DNAH12: variants seen among roughly 807,000 people sequenced by gnomAD.
DNAH12 encodes the protein axonemal beta dynein heavy chain 12.
Under a neutral mutation model 371.5 loss-of-function variants are expected in DNAH12, and 285 were observed. That is an observed-to-expected ratio of 0.77 (90% CI 0.70 to 0.85). The LOEUF (loss-of-function observed/expected upper bound fraction) is 0.85. Among genes scored for constraint, DNAH12 ranks in the 40% least tolerant of loss-of-function variants. The pLI is 0.00. For missense variants in DNAH12, 3,611 were observed against 3,689.4 expected (o/e 0.98, Z 0.55); for synonymous variants, 1,200 against 1,213.0 (o/e 0.99, Z 0.22).
intron 60 of DNAH12, among the ~76,000 whole-genome samples, chr3:57,351,317 G>T (rs2062669758): frequency 6.6e-6 from 1 of 152,078 alleles, no homozygotes; most frequent in Admixed American, 6.6e-5. Flanking sequence ...ATAAAACGTT[G>T]GTGGGGATCT....
chr3:57,524,583 C>A (rs1297576950), intron 2 of DNAH12, among the ~76,000 whole-genome samples: 2 of 151,666 alleles, frequency 1.3e-5, no homozygotes, highest in African/African-American at 4.8e-5. Context: ...GACTGATGAA[C>A]TGTTTAAGTG....
In DNAH12 at chr3:57,476,125, A is replaced by G. The variant is rs532702478; in HGVS notation, c.1651-3454T>C. ...AAAGTTTAGGAACAATGACATTACT[A>G]ACATAACATTGATGAGAGGCAAAAG... On this transcript the variant is annotated intron_variant, in intron 13 of 73. Coordinates refer to ENST00000495027, the MANE Select transcript of DNAH12 (RefSeq NM_001366028.2). Among the ~76,000 whole-genome samples the G allele has an allele frequency of 1.9e-4, 29 of 152,362 alleles. No individual in the cohort carries two copies. In the East Asian group the frequency reaches 5.0e-3, roughly 26 times the overall value.
chr3:57,440,805 T>C (rs1335429551), intron 29 of DNAH12, among the ~76,000 whole-genome samples: 1 of 152,068 alleles, frequency 6.6e-6, no homozygotes, highest in Non-Finnish European at 1.5e-5. Context: ...CTGAGCAACA[T>C]AACAAGACCT....
rs1553679837 is a variant in DNAH12 at position 57,403,485 on chromosome 3, A to T, written c.6772T>A (p.Leu2258Ile). The change falls in exon 43 of 74, where the codon TTA (leucine) becomes ATA (isoleucine). Residue 2258 changes from leucine to isoleucine, a missense_variant. Transcript: ENST00000495027. Reference protein sequence around the residue: ...LVIFRYVLEHLSRICRVLKQS... With the variant: ...LVIFRYVLEHISRICRVLKQS... The stretch of plus-strand genomic sequence containing the variant: ...TTTAGAACTCGACATATTCTTGATA[A>T]ATGTTCCAAAACATACCTACCACAA... 6.5e-7 allele frequency: 1 copy of T among 1,548,398 alleles called. No homozygotes were observed. Among genetic ancestry groups the T allele is most frequent in the Non-Finnish European group, 8.7e-7 (1 of 1,145,968 alleles).
intron 60 of DNAH12, among the ~76,000 whole-genome samples, chr3:57,342,051 T>C (rs144332484): frequency 5.9e-5 from 9 of 152,108 alleles, no homozygotes; most frequent in African/African-American, 1.7e-4. Context: ...CTGGGGAAAA[T>C]TGGATATCCA....
chr3:57,430,373 C>T (rs538668153), intron 32 of DNAH12, among the ~76,000 whole-genome samples: 2 of 151,992 alleles, frequency 1.3e-5, no homozygotes, highest in Non-Finnish European at 2.9e-5. Flanking sequence ...ATGAATAATT[C>T]TTTATTATCA....
intron 49 of DNAH12, among the ~76,000 whole-genome samples, chr3:57,384,243 A>G (rs959270566): frequency 1.3e-5 from 2 of 152,152 alleles, no homozygotes; most frequent in Admixed American, 6.6e-5. Context: ...TACTTAACAT[A>G]TGCCTGCTGG....
chr3:57,393,563 T>C (rs1575538733), intron 44 of DNAH12, among the ~76,000 whole-genome samples: 2 of 136,814 alleles, frequency 1.5e-5, no homozygotes, highest in Non-Finnish European at 1.5e-5. Context: ...GAGGCGGAGG[T>C]TGCAGTGAGG....
chr3:57,508,250 G>T, intron 7 of DNAH12, 132 bp downstream of exon 7: 5 of 809,870 alleles, frequency 6.2e-6, no homozygotes, highest in Non-Finnish European at 5.1e-6. Flanking sequence ...AAACAAACAA[G>T]ATACATTTTT....
chr3:57,335,689 C>T (rs143971133), intron 60 of DNAH12, among the ~76,000 whole-genome samples: 2 of 152,108 alleles, frequency 1.3e-5, no homozygotes, highest in Non-Finnish European at 1.5e-5. Context: ...CTTATGGCAC[C>T]GCTGTTGCAT....
intron 4 of DNAH12, among the ~76,000 whole-genome samples, chr3:57,521,488 C>A (rs374459515): frequency 1.3e-5 from 2 of 151,932 alleles, no homozygotes; most frequent in African/African-American, 4.8e-5. Context: ...CAAAGAGAGA[C>A]CCCTGTCTCT....
chr3:57,553,153 G>C, the DNAH12 span, among the ~76,000 whole-genome samples: 2 of 152,158 alleles, frequency 1.3e-5, no homozygotes. Context: ...CTCCAGCCTG[G>C]GCAAAAGGAG....
intron 59 of DNAH12, among the ~76,000 whole-genome samples, chr3:57,353,449 TGCCC>T (rs2062729671): frequency 1.3e-5 from 2 of 152,180 alleles, no homozygotes. Context: ...CATGGCACCA[TGCCC>T]AGCTAGTTTT....
chr3:57,355,586 G>C (rs909007145), intron 59 of DNAH12, among the ~76,000 whole-genome samples: 3 of 151,946 alleles, frequency 2.0e-5, no homozygotes, highest in Admixed American at 6.6e-5. Context: ...GGCAAATCTA[G>C]GTTTAATATT....
intron 17 of DNAH12, among the ~76,000 whole-genome samples, chr3:57,465,139 G>A (rs544581080): frequency 6.6e-6 from 1 of 152,284 alleles, no homozygotes; most frequent in Non-Finnish European, 1.5e-5. Context: ...CATAGCCTGT[G>A]TCCTGGAAGT....
intron 58 of DNAH12, among the ~76,000 whole-genome samples, chr3:57,358,943 C>G (rs2062859609): frequency 6.6e-6 from 1 of 152,042 alleles, no homozygotes; most frequent in African/African-American, 2.4e-5. Context: ...CACCACCACA[C>G]CTGGCTAATT....
rs181436096 is a variant in DNAH12 at position 57,475,518 on chromosome 3, T to C, written c.1651-2847A>G. On this transcript the variant is annotated intron_variant, in intron 13 of 73. Transcript: ENST00000495027. ...TATATTAAAAATTACTACATTGAAC[T>C]GTATACTTAAAAATGGTTAAAATGG... is the stretch of plus-strand genomic sequence containing the variant. Among the ~76,000 whole-genome samples, 9 of 152,318 alleles carry C rather than the reference T, an allele frequency of 5.9e-5. No homozygotes were observed. In the East Asian group the frequency reaches 1.5e-3, roughly 26 times the overall value.
chr3:57,514,231 T>TA (rs929779831), intron 4 of DNAH12, among the ~76,000 whole-genome samples: 1 of 151,648 alleles, frequency 6.6e-6, no homozygotes, highest in African/African-American at 2.4e-5. Flanking sequence ...CCGTCTCTAC[T>TA]AAAAATACAA....
chr3:57,351,844 CTTTG>C (rs1456509699), intron 60 of DNAH12, among the ~76,000 whole-genome samples: 3 of 152,076 alleles, frequency 2.0e-5, no homozygotes, highest in Admixed American at 1.3e-4. Context: ...CAGATCCTCC[CTTTG>C]TAAGAATTTG....
Sources: gnomAD v4.1 joint callset for allele counts (sites outside exome capture counted in the v4.1 genomes callset) on GRCh38, gnomAD v4.1.1 for gene constraint, MANE v1.5 for transcripts, NCBI Gene and HGNC (gene_info 2026-07-23, HGNC 2026-07-21) for gene names.